SLC8A1: variants seen among roughly 807,000 people sequenced by gnomAD.
SLC8A1 encodes the protein sodium/calcium exchanger 1.
In SLC8A1, 18 loss-of-function variants were observed where a neutral mutation model predicts 68.3. The ratio of observed to expected loss-of-function variants is 0.26; its 90% CI spans 0.18 to 0.39. The LOEUF is 0.39. SLC8A1 is among the 10% of genes least tolerant of loss of function. SLC8A1 has a pLI of 1.00. For synonymous variants in SLC8A1, 475 were observed against 415.5 expected (o/e 1.14, Z -1.74); for missense variants, 985 against 1,156.7 (o/e 0.85, Z 2.15).
chr2:40,243,473 ACCCTGTCTC>A (rs1468629914), intron 2 of SLC8A1, among the ~76,000 whole-genome samples: 4 of 152,194 alleles, frequency 2.6e-5, no homozygotes, highest in African/African-American at 9.7e-5. Flanking sequence ...ACAAAGTGAG[ACCCTGTCTC>A]AAAAAAGAGA....
At chr2:40,275,960 C>T (rs753370732) in intron 2 of SLC8A1, among the ~76,000 whole-genome samples, 20 of 152,148 alleles carry the variant, frequency 1.3e-4, no homozygotes, top group Non-Finnish European at 2.8e-4. Context: ...ATTCATTTGC[C>T]ACAGCTCCTG....
At chr2:40,337,709 T>C (rs1666423367) in intron 2 of SLC8A1, among the ~76,000 whole-genome samples, 1 of 152,212 alleles carries the variant, frequency 6.6e-6, no homozygotes, top group African/African-American at 2.4e-5. Flanking sequence ...TTCCTACTTA[T>C]GTCCCTAGGA....
intron 2 of SLC8A1, among the ~76,000 whole-genome samples, chr2:40,331,310 G>A (rs1458410063): frequency 2.0e-5 from 3 of 152,060 alleles, no homozygotes; most frequent in Non-Finnish European, 4.4e-5. Flanking sequence ...TCTAACCAAT[G>A]CTTTTAACTT....
chr2:40,233,011 G>C (rs1443571734), intron 2 of SLC8A1, among the ~76,000 whole-genome samples: 2 of 151,788 alleles, frequency 1.3e-5, no homozygotes, highest in Admixed American at 6.6e-5. Flanking sequence ...TTGGACATTT[G>C]GGTTGGTTCC....
At chr2:40,188,264 T>C (rs981858238) in intron 2 of SLC8A1, among the ~76,000 whole-genome samples, 11 of 151,980 alleles carry the variant, frequency 7.2e-5, no homozygotes, top group Non-Finnish European at 1.3e-4. Flanking sequence ...ACTCCTTAAA[T>C]GCAGATTCTC....
intron 2 of SLC8A1, among the ~76,000 whole-genome samples, chr2:40,366,502 A>C (rs1225418527): frequency 6.6e-6 from 1 of 152,102 alleles, no homozygotes; most frequent in Non-Finnish European, 1.5e-5. Flanking sequence ...ATAAGGTGTG[A>C]AATAAATGCT....
chr2:40,363,975 A>T (rs1559395219), intron 2 of SLC8A1, among the ~76,000 whole-genome samples: 1 of 151,906 alleles, frequency 6.6e-6, no homozygotes, highest in Non-Finnish European at 1.5e-5. Context: ...AGCACAATGT[A>T]AGTAGTCTAA....
rs140997676 is a variant in SLC8A1 at position 40,136,308 on chromosome 2, A to G, written c.2437+3093T>C. Among the ~76,000 whole-genome samples, 571 of 152,334 alleles carry G rather than the reference A, an allele frequency of 3.7e-3. 2 individuals are homozygous for G. The highest frequency in any genetic ancestry group is 6.3e-3 in the Non-Finnish European group (426 of 68,028). On this transcript the variant is annotated intron_variant, in intron 7 of 7. Coordinates refer to ENST00000406785, the Ensembl canonical transcript of SLC8A1. ...ATGAATCCTTCTCTGCCAGTAGAGT[A>G]TGAGCATTTGCTACCAGCTGGTGCA... is the stretch of plus-strand genomic sequence containing the variant.
chr2:40,357,797 C>G (rs905119078), intron 2 of SLC8A1, among the ~76,000 whole-genome samples: 1 of 152,042 alleles, frequency 6.6e-6, no homozygotes, highest in Non-Finnish European at 1.5e-5. Flanking sequence ...TACGACATTC[C>G]TTTAGTGCAC....
chr2:40,352,751 C>T (rs961290758), intron 2 of SLC8A1, among the ~76,000 whole-genome samples: 34 of 152,060 alleles, frequency 2.2e-4, no homozygotes, highest in African/African-American at 7.5e-4. Flanking sequence ...GATTTTTTTC[C>T]GAACAAGTTG....
intron 2 of SLC8A1, among the ~76,000 whole-genome samples, chr2:40,273,985 T>C (rs2066384740): frequency 6.6e-6 from 1 of 151,640 alleles, no homozygotes; most frequent in Non-Finnish European, 1.5e-5. Flanking sequence ...TGTCGGTGTT[T>C]ATGCAAGGGA....
At chr2:40,207,339 T>C (rs1197696098) in intron 2 of SLC8A1, among the ~76,000 whole-genome samples, 1 of 152,050 alleles carries the variant, frequency 6.6e-6, no homozygotes, top group Non-Finnish European at 1.5e-5. Flanking sequence ...TTTTATCCTT[T>C]TACATGAACA....
chr2:40,490,039 C>T (rs1705213733), intron 1 of SLC8A1, among the ~76,000 whole-genome samples: 1 of 152,032 alleles, frequency 6.6e-6, no homozygotes, highest in Non-Finnish European at 1.5e-5. Flanking sequence ...TCTTTTCCCT[C>T]TCCGATCAAA....
chr2:40,384,699 A>G (rs972403832), intron 2 of SLC8A1, among the ~76,000 whole-genome samples: 1 of 152,130 alleles, frequency 6.6e-6, no homozygotes, highest in South Asian at 2.1e-4. Context: ...TTTTGTTAAA[A>G]AATTTCAAGG....
intron 2 of SLC8A1, among the ~76,000 whole-genome samples, chr2:40,244,831 G>A (rs137860211): frequency 1.3e-5 from 2 of 152,242 alleles, no homozygotes; most frequent in Non-Finnish European, 2.9e-5. Flanking sequence ...TCTTCCTCCC[G>A]AGGAAAGGGT....
chr2:40,196,549 G>A (rs1490421222), intron 2 of SLC8A1, among the ~76,000 whole-genome samples: 4 of 151,914 alleles, frequency 2.6e-5, no homozygotes, highest in South Asian at 2.1e-4. Flanking sequence ...CTCTGCATGC[G>A]TAGATGAAAG....
chr2:40,290,812 T>C lies in SLC8A1; in HGVS notation c.1809-112957A>G, dbSNP rs183251746. 3.2e-3 allele frequency among the ~76,000 whole-genome samples: 487 copies of C among 152,330 alleles called. 1 individual carries two copies. Among genetic ancestry groups the C allele is most frequent in the African/African-American group, 0.011 (469 of 41,596 alleles). On this transcript the variant is annotated intron_variant, in intron 2 of 7. Coordinates refer to ENST00000406785, the Ensembl canonical transcript of SLC8A1. ...GGAAGTCCTATATGCATATCCCATA[T>C]GGATATTTCAGTCTATATAGGTATA...
intron 2 of SLC8A1, among the ~76,000 whole-genome samples, chr2:40,271,262 C>G (rs967313153): frequency 6.6e-6 from 1 of 152,012 alleles, no homozygotes; most frequent in Non-Finnish European, 1.5e-5. Flanking sequence ...TCCCCTCCCA[C>G]TCCTCTCCCA....
At chr2:40,102,808 G>A (rs1393831783) in exon 8 of SLC8A1, 1 of 152,054 alleles carries the variant, frequency 6.6e-6, no homozygotes, top group Non-Finnish European at 1.5e-5. Flanking sequence ...AATCAAATCT[G>A]AAATGGGGGG....
Sources: gnomAD v4.1 joint callset for allele counts (sites outside exome capture counted in the v4.1 genomes callset) on GRCh38, gnomAD v4.1.1 for gene constraint, MANE v1.5 for transcripts, NCBI Gene and HGNC (gene_info 2026-07-23, HGNC 2026-07-21) for gene names.